The following GNG7 variants were observed in gnomAD, a reference collection of about 807,000 sequenced individuals.
The protein encoded by GNG7 is G protein subunit gamma 7.
A neutral mutation model predicts 4.0 loss-of-function variants in GNG7; 1 was observed. The ratio of observed to expected loss-of-function variants is 0.25; its 90% CI spans 0.09 to 1.18. The LOEUF (loss-of-function observed/expected upper bound fraction) is 1.18. GNG7 is among the 50% of genes most tolerant of loss of function. The pLI is 0.50. For missense variants in GNG7, 86 were observed against 91.9 expected (o/e 0.94, Z 0.26); for synonymous variants, 34 against 36.9 (o/e 0.92, Z 0.29).
At chr19:2,623,183 G>A (rs1396612437) in intron 2 of GNG7, among the ~76,000 whole-genome samples, 2 of 152,166 alleles carry the variant, frequency 1.3e-5, no homozygotes, top group South Asian at 2.1e-4. Context: ...TTAGCCAGGC[G>A]TGGTGGTGCA....
At chr19:2,616,998 G>GGCATGAAAGCTTT (rs1472829826) in intron 2 of GNG7, among the ~76,000 whole-genome samples, 1 of 152,214 alleles carries the variant, frequency 6.6e-6, no homozygotes, top group Admixed American at 6.5e-5. Context: ...AGAAGGTTCT[G>GGCATGAAAGCTTT]GCATGAAAGC....
chr19:2,692,480 A>G (rs1160011969), intron 1 of GNG7, among the ~76,000 whole-genome samples: 1 of 151,874 alleles, frequency 6.6e-6, no homozygotes, highest in African/African-American at 2.4e-5. Flanking sequence ...CTAAAAATAC[A>G]AAAAATCAGC....
At chr19:2,608,437 C>T (rs73918096) in intron 2 of GNG7, among the ~76,000 whole-genome samples, 7,555 of 152,222 alleles carry the variant, frequency 0.05, 636 homozygotes, top group African/African-American at 0.17. Flanking sequence ...AGCAGGCACA[C>T]TGACGGCCTC....
chr19:2,623,540 C>T (rs951149571), intron 2 of GNG7, among the ~76,000 whole-genome samples: 2 of 152,184 alleles, frequency 1.3e-5, no homozygotes, highest in African/African-American at 2.4e-5. Context: ...GGCTGCAACA[C>T]GGATGCACCT....
chr19:2,613,876 C>A (rs1383855842), intron 2 of GNG7, among the ~76,000 whole-genome samples: 2 of 152,164 alleles, frequency 1.3e-5, no homozygotes, highest in Non-Finnish European at 2.9e-5. Flanking sequence ...ATCAAGGGAC[C>A]CTGGCTATGC....
chr19:2,593,222 G>C (rs971420961), intron 2 of GNG7, among the ~76,000 whole-genome samples: 1 of 152,110 alleles, frequency 6.6e-6, no homozygotes, highest in Non-Finnish European at 1.5e-5. Context: ...GAGGGGAGAG[G>C]CTTCTGGTCT....
intron 2 of GNG7, among the ~76,000 whole-genome samples, chr19:2,597,933 TAAAAA>T (rs1420772910): frequency 6.1e-5 from 9 of 147,932 alleles, no homozygotes; most frequent in Admixed American, 1.3e-4. Context: ...TTTAGAAAGG[TAAAAA>T]GCAGCTCAGG....
At chr19:2,569,966 A>C (rs995152783) in intron 2 of GNG7, among the ~76,000 whole-genome samples, 1 of 152,114 alleles carries the variant, frequency 6.6e-6, no homozygotes, top group Admixed American at 6.6e-5. Context: ...ACATGGGGCC[A>C]ATGTTTGTGC....
intron 1 of GNG7, among the ~76,000 whole-genome samples, chr19:2,658,121 C>T (rs1449328793): frequency 2.0e-5 from 3 of 152,094 alleles, no homozygotes; most frequent in African/African-American, 7.2e-5. Context: ...TTTCTTTTAC[C>T]TCTTTGTCTT....
At chr19:2,573,598 C>T (rs1050351746) in intron 2 of GNG7, among the ~76,000 whole-genome samples, 2 of 151,914 alleles carry the variant, frequency 1.3e-5, no homozygotes, top group Non-Finnish European at 2.9e-5. Context: ...GGGCAGATTA[C>T]CTGAGGTCAG....
intron 3 of GNG7, among the ~76,000 whole-genome samples, chr19:2,525,950 C>A (rs1297196613): frequency 7.0e-6 from 1 of 143,442 alleles, no homozygotes; most frequent in Non-Finnish European, 1.5e-5. Context: ...GCTGGGATTA[C>A]AGGTGCCTGC....
chr19:2,622,980 G>A (rs905164569), intron 2 of GNG7, among the ~76,000 whole-genome samples: 1 of 152,236 alleles, frequency 6.6e-6, no homozygotes, highest in Admixed American at 6.5e-5. Flanking sequence ...GGGGGTGTGT[G>A]GCCAAGTGAG....
chr19:2,634,286 G>C lies in GNG7; in HGVS notation c.-78+11938C>G, dbSNP rs767483323. On this transcript the variant is annotated intron_variant, in intron 2 of 4. Transcript: ENST00000382159. The surrounding 1 kb of genome is among the most constrained non-coding windows in gnomAD (Gnocchi z 5.3). ...GGGGTGGGGCCGTCCTGGGCACTGC[G>C]GGGTGCTGAGCAGTATCCCTGGCCT... Among the ~76,000 whole-genome samples, 1 of 151,940 alleles carries C rather than the reference G, an allele frequency of 6.6e-6. No homozygotes were observed. Among genetic ancestry groups the C allele is most frequent in the Non-Finnish European group, 1.5e-5 (1 of 67,936 alleles).
At chr19:2,566,410 G>A (rs986684245) in intron 2 of GNG7, among the ~76,000 whole-genome samples, 12 of 152,118 alleles carry the variant, frequency 7.9e-5, no homozygotes, top group African/African-American at 2.2e-4. Context: ...TTGGACTTCC[G>A]GTCTCCAGAG....
At chr19:2,671,459 C>T (rs1037145559) in intron 1 of GNG7, among the ~76,000 whole-genome samples, 6 of 152,154 alleles carry the variant, frequency 3.9e-5, no homozygotes, top group Non-Finnish European at 7.3e-5. Flanking sequence ...GGCCTGCCTT[C>T]TGCCTCACAC....
At chr19:2,529,023 T>C (rs545291163) in intron 3 of GNG7, among the ~76,000 whole-genome samples, 51 of 152,304 alleles carry the variant, frequency 3.3e-4, no homozygotes, top group African/African-American at 1.0e-3. Context: ...TTGCACCCTG[T>C]CGCCACTCCC....
chr19:2,685,936 C>T (rs547858733), intron 1 of GNG7, among the ~76,000 whole-genome samples: 29 of 152,304 alleles, frequency 1.9e-4, no homozygotes, highest in African/African-American at 7.0e-4. Context: ...AGCTCTTTCT[C>T]GCCAGAGCTC....
chr19:2,560,807 A>C (rs1979719253), intron 2 of GNG7, among the ~76,000 whole-genome samples: 1 of 151,948 alleles, frequency 6.6e-6, no homozygotes, highest in African/African-American at 2.4e-5. Context: ...AAATACAAAA[A>C]TTAGCCAGGC....
At chr19:2,608,051 GAA>G (rs56935207) in intron 2 of GNG7, among the ~76,000 whole-genome samples, 5,939 of 99,012 alleles carry the variant, frequency 0.06, 412 homozygotes, top group African/African-American at 0.2. Flanking sequence ...TGGTATTTGA[GAA>G]AAAAAAAAAA....
Sources: gnomAD v4.1 joint callset for allele counts (sites outside exome capture counted in the v4.1 genomes callset) on GRCh38, gnomAD v4.1.1 for gene constraint, Gnocchi (gnomAD v3.1) non-coding constraint, MANE v1.5 for transcripts, NCBI Gene and HGNC (gene_info 2026-07-23, HGNC 2026-07-21) for gene names.